Variants in TTN observed in about 807,000 individuals in gnomAD.
TTN encodes titin, also known as connectin.
A neutral mutation model predicts 3,223.0 loss-of-function variants in TTN; 1,525 were observed. The observed-to-expected ratio is 0.47, with a 90% CI of 0.45 to 0.49. The LOEUF (loss-of-function observed/expected upper bound fraction) is 0.49. Ranked by LOEUF, TTN falls within the 20% of genes least tolerant of loss-of-function variation. TTN has a pLI of 0.00. For missense variants in TTN, 40,786 were observed against 43,424.0 expected (o/e 0.94, Z 5.40); for synonymous variants, 14,094 against 15,161.0 (o/e 0.93, Z 5.17).
In TTN at chr2:178,567,361, A is replaced by G; in HGVS notation, c.78771T>C (p.Ile26257=). ...AAATATACTGCCCACCATCAATTCT[A>G]ATTGCATCTTTTACAATAAGTAAAG... ...FKALLIVKDA[I]RIDGGQYILR... Residue 26257 remains isoleucine (I), a synonymous_variant, in exon 326 of 363, where the codon ATT becomes ATC. Coordinates refer to ENST00000589042, the MANE Select transcript of TTN (RefSeq NM_001267550.2). 4 of 1,595,742 alleles carry G rather than the reference A, an allele frequency of 2.5e-6. No individual in the cohort carries two copies. Among genetic ancestry groups the G allele is most frequent in the Non-Finnish European group, 3.4e-6 (4 of 1,173,380 alleles).
At position 178,568,469 on chromosome 2, in the gene TTN, AGAGTTACAATT is replaced by A; in HGVS notation, c.77652_77662del (p.Glu25884AspfsTer3). ...TCCTTTTGGAGGATCAGGTTTATCT[AGAGTTACAATT>A]TCGATGGATGCTGTCTTCTGACCAA... On this transcript the variant is annotated frameshift_variant, in exon 326 of 363. Coordinates refer to ENST00000589042, the MANE Select transcript of TTN (RefSeq NM_001267550.2). LOFTEE classifies it high-confidence loss of function. The A allele has an allele frequency of 1.2e-6, 2 of 1,613,398 alleles. No individual in the cohort carries two copies. The highest frequency in any genetic ancestry group is 1.7e-6 in the Non-Finnish European group (2 of 1,179,586).
rs756497839 is a variant in TTN at position 178,774,261 on chromosome 2, C to T, written c.7003G>A (p.Glu2335Lys). ...TTCCCGTCGATGACAAAGCTGTATT[C>T]TCCCTGGTCCTCCTTGGTTACATCC... ...VKDVTKEDQG[E>K]YSFVIDGKKT... The change falls in exon 30 of 363, where the codon GAA becomes AAA. Residue 2335 changes from glutamate (E) to lysine (K), a missense_variant. Coordinates refer to ENST00000589042, the MANE Select transcript of TTN (RefSeq NM_001267550.2). The T allele has an allele frequency of 5.0e-6, 8 of 1,614,088 alleles. No homozygotes were observed. In the East Asian group the frequency reaches 1.8e-4, roughly 36 times the overall value.
Position 178,774,291 on chromosome 2 carries a change from C to T in TTN, c.6973G>A (p.Val2325Ile). 6.2e-7 allele frequency: 1 copy of T among 1,614,072 alleles called. No individual in the cohort carries two copies. The highest frequency in any genetic ancestry group is 8.5e-7 in the Non-Finnish European group (1 of 1,179,982). The change falls in exon 30 of 363, where the codon GTC (valine) becomes ATC (isoleucine). Residue 2325 changes from valine (V) to isoleucine (I), a missense_variant. Coordinates refer to ENST00000589042, the MANE Select transcript of TTN (RefSeq NM_001267550.2). Reference sequence around the variant, plus strand: ...TGGTCCTCCTTGGTTACATCCTTGACCGTGAGGTTCTGACGTCCACGACGA... The same window carrying T: ...TGGTCCTCCTTGGTTACATCCTTGATCGTGAGGTTCTGACGTCCACGACGA... ...TSRRGRQNLT[V>I]KDVTKEDQGE... is the part of the protein sequence containing the mutation.
chr2:178,681,180 A>T lies in TTN; in HGVS notation c.33248-9T>A. ...CTTTGGTTCTTCAGGCACTTTAAAG[A>T]TATTAATTATTAAAGAGCATTAAAA... is the stretch of plus-strand genomic sequence containing the variant. On this transcript the variant is annotated splice_polypyrimidine_tract_variant and intron_variant, in intron 137 of 362. Coordinates refer to ENST00000589042, the MANE Select transcript of TTN (RefSeq NM_001267550.2). 1 of 1,591,102 alleles carries T rather than the reference A, an allele frequency of 6.3e-7. No homozygotes were observed. Among genetic ancestry groups the T allele is most frequent in the South Asian group, 1.2e-5 (1 of 86,062 alleles).
chr2:178,530,193 T>C, intron 358 of TTN, 48 bp downstream of exon 358: 1 of 1,561,402 alleles, frequency 6.4e-7, no homozygotes, highest in Middle Eastern at 1.7e-4. Flanking sequence ...ATTTAGAAGA[T>C]AAAATATTTT....
In TTN at chr2:178,706,477, G is replaced by A. The variant is rs770084292; in HGVS notation, c.29397C>T (p.Gly9799=). The part of the protein sequence containing the change: ...DERKKQEKIE[G]DLRAMLKKTP... ...ACTTTTTCAGCATTGCTCTAAGATCGCCTTCAATTTTCTCTTGTTTCTTCC... is the reference window on the plus strand; with the variant it reads ...ACTTTTTCAGCATTGCTCTAAGATCACCTTCAATTTTCTCTTGTTTCTTCC... Residue 9799 remains glycine (G), a synonymous_variant, in exon 102 of 363, where the codon GGC becomes GGT. Coordinates refer to ENST00000589042, the MANE Select transcript of TTN (RefSeq NM_001267550.2). 2.5e-5 allele frequency: 40 copies of A among 1,612,918 alleles called. No homozygotes were observed. Among genetic ancestry groups the A allele is most frequent in the Admixed American group, 1.5e-4 (9 of 59,862 alleles).
At position 178,595,758 on chromosome 2, in the gene TTN, T is replaced by A. The variant is rs2051391133; in HGVS notation, c.57596A>T (p.Glu19199Val). Reference sequence around the variant, plus strand: ...AGAAAACCATGTCAGTTTGCAGGACTCATTGGTTAGGTTGTGAGCTAGGAA... The same window carrying A: ...AGAAAACCATGTCAGTTTGCAGGACACATTGGTTAGGTTGTGAGCTAGGAA... ...TPFLAHNLTN[E>V]SCKLTWFSPE... The change falls in exon 295 of 363, where the codon GAG becomes GTG. Residue 19199 changes from glutamate (E) to valine (V), a missense_variant. By Grantham distance (121) the Glu-to-Val change is moderately radical (BLOSUM62 -2). Coordinates refer to ENST00000589042, the MANE Select transcript of TTN (RefSeq NM_001267550.2). The A allele has an allele frequency of 6.2e-7, 1 of 1,609,026 alleles. No homozygotes were observed. The highest frequency in any genetic ancestry group is 8.5e-7 in the Non-Finnish European group (1 of 1,177,850).
chr2:178,549,333 T>C lies in TTN; in HGVS notation c.92293A>G (p.Arg30765Gly). ...CGTTTGCTGATCACTTTTACCCATC[T>C]TGTGCTTTTCTTTTCTCTTCTTTCA... ...ILERREKKST[R>G]WVKVISKRPI... is the part of the protein sequence containing the mutation. The change falls in exon 339 of 363, where the codon AGA (arginine) becomes GGA (glycine). Residue 30765 changes from arginine (R) to glycine (G), a missense_variant. Coordinates refer to ENST00000589042, the MANE Select transcript of TTN (RefSeq NM_001267550.2). 6.2e-7 allele frequency: 1 copy of C among 1,613,942 alleles called. No homozygotes were observed. Among genetic ancestry groups the C allele is most frequent in the South Asian group, 1.1e-5 (1 of 91,086 alleles).
rs893506951 is a variant in TTN, at chr2:178,565,625, C to T, written c.80507G>A (p.Cys26836Tyr). Reference protein sequence around the residue: ...KWSIVAESKVCNAVVTGLSSG... With the variant: ...KWSIVAESKVYNAVVTGLSSG... The stretch of plus-strand genomic sequence containing the variant: ...ACTCAAACCAGTAACAACTGCATTA[C>T]AGACTTTGGATTCAGCCACAATGCT... The change falls in exon 326 of 363, where the codon TGT becomes TAT. Residue 26836 changes from cysteine (C) to tyrosine (Y), a missense_variant. Physicochemically the swap from Cys to Tyr is radical, Grantham distance 194 (BLOSUM62 -2). Coordinates refer to ENST00000589042, the MANE Select transcript of TTN (RefSeq NM_001267550.2). 6.2e-7 allele frequency: 1 copy of T among 1,613,456 alleles called. No individual in the cohort carries two copies. Among genetic ancestry groups the T allele is most frequent in the Non-Finnish European group, 8.5e-7 (1 of 1,179,618 alleles).
Position 178,773,504 on chromosome 2 carries a change from T to C in TTN, c.7552A>G (p.Ile2518Val), listed in dbSNP as rs2091831608. 2 of 1,614,078 alleles carry C rather than the reference T, an allele frequency of 1.2e-6. No homozygotes were observed. Among genetic ancestry groups the C allele is most frequent in the Non-Finnish European group, 1.7e-6 (2 of 1,179,962 alleles). Reference sequence around the variant, plus strand: ...CAGTTGGTTTCAACTCTGCCAACTATCAGCTTGTAAGGTCCTTCGTCTGAA... The same window carrying C: ...CAGTTGGTTTCAACTCTGCCAACTACCAGCTTGTAAGGTCCTTCGTCTGAA... Reference protein sequence around the residue: ...HASDEGPYKLIVGRVETNCNL... With the variant: ...HASDEGPYKLVVGRVETNCNL... Residue 2518 changes from isoleucine (I) to valine (V), a missense_variant, in exon 32 of 363, where the codon ATA becomes GTA. Transcript: ENST00000589042.
Position 178,745,991 on chromosome 2 carries a change from A to G in TTN, c.11312-4070T>C. ...CACAGCAAATATTTCAGAATCTCCCATGGTGAGGAATCCCCGACAGATAGC... is the reference window on the plus strand; with the variant it reads ...CACAGCAAATATTTCAGAATCTCCCGTGGTGAGGAATCCCCGACAGATAGC... On this transcript the variant is annotated intron_variant, in intron 47 of 362. Coordinates refer to ENST00000589042, the MANE Select transcript of TTN (RefSeq NM_001267550.2). The G allele has an allele frequency of 6.2e-7, 1 of 1,612,798 alleles. No individual in the cohort carries two copies. Among genetic ancestry groups the G allele is most frequent in the Non-Finnish European group, 8.5e-7 (1 of 1,179,092 alleles).
intron 106 of TTN, among the ~76,000 whole-genome samples, chr2:178,703,890 CA>C (rs763833112): frequency 5.3e-5 from 8 of 152,130 alleles, no homozygotes; most frequent in Non-Finnish European, 7.4e-5. Context: ...AGACTTTAGA[CA>C]GAAATAACTG....
Position 178,547,638 on chromosome 2 carries a change from A to C in TTN, c.93988T>G (p.Trp31330Gly). The C allele has an allele frequency of 2.5e-6, 4 of 1,613,908 alleles. No individual in the cohort carries two copies. Among genetic ancestry groups the C allele is most frequent in the Non-Finnish European group, 3.4e-6 (4 of 1,179,824 alleles). Residue 31330 changes from tryptophan (W) to glycine (G), a missense_variant, in exon 339 of 363, where the codon TGG (tryptophan) becomes GGG (glycine). Trp to Gly is a radical substitution (Grantham distance 184). Transcript: ENST00000589042. Reference sequence around the variant, plus strand: ...CCTCCTCCATCTTTAGGTTCTCCCCATGACAGGACACACGATTCAGCTGAG... The same window carrying C: ...CCTCCTCCATCTTTAGGTTCTCCCCCTGACAGGACACACGATTCAGCTGAG... Reference protein sequence around the residue: ...SVSAESCVLSWGEPKDGGGTE... With the variant: ...SVSAESCVLSGGEPKDGGGTE...
In TTN at chr2:178,613,083, A is replaced by G. The variant is rs727504474; in HGVS notation, c.49649-11T>C. ...GGGGCCATGGAGGATCTGCAAGCCA[A>G]TGAAATCATTGTTTAGGTTTGTCAA... On this transcript the variant is annotated splice_polypyrimidine_tract_variant and intron_variant, in intron 264 of 362. Transcript: ENST00000589042. 75 of 1,612,246 alleles carry G rather than the reference A, an allele frequency of 4.7e-5. 1 individual carries two copies. The highest frequency in any genetic ancestry group is 6.7e-5 in the Admixed American group (4 of 59,844).
chr2:178,633,821 G>T lies in TTN; in HGVS notation c.42678C>A (p.Val14226=), dbSNP rs754896668. ...KELSSTAQLK[V]LEADPYFTVK... ...GTTATACTTGGTTACATTTACCTAA[G>T]ACCTTCAGCTGTGCTGTGGAGCTCA... Residue 14226 remains valine (V), a synonymous_variant, in exon 231 of 363, where the codon GTC becomes GTA. Transcript: ENST00000589042. 13 of 1,612,778 alleles carry T rather than the reference G, an allele frequency of 8.1e-6. No homozygotes were observed. In the South Asian group the frequency reaches 1.2e-4, roughly 15 times the overall value.
intron 112 of TTN, among the ~76,000 whole-genome samples, chr2:178,698,362 C>T (rs971584090): frequency 1.3e-5 from 2 of 151,616 alleles, no homozygotes; most frequent in Non-Finnish European, 2.9e-5. Flanking sequence ...TTCAAAATCG[C>T]TAAGAGTAAA....
chr2:178,709,213 G>A (rs922438118), intron 99 of TTN, among the ~76,000 whole-genome samples: 1 of 151,908 alleles, frequency 6.6e-6, no homozygotes, highest in Non-Finnish European at 1.5e-5. Flanking sequence ...TGTGATATTT[G>A]GTGATGAACA....
chr2:178,551,283 A>G lies in TTN; in HGVS notation c.91271-23T>C, dbSNP rs1699319036. 7 of 1,594,682 alleles carry G rather than the reference A, an allele frequency of 4.4e-6. No homozygotes were observed. The South Asian group carries it at 6.8e-5, about 16-fold the overall frequency. ...GGTCTAAAAAATTATAAGGAAGGTA[A>G]ATGCATCATTACATTTGTAACCAGG... is the stretch of plus-strand genomic sequence containing the variant. On this transcript the variant is annotated intron_variant, in intron 335 of 362. Coordinates refer to ENST00000589042, the MANE Select transcript of TTN (RefSeq NM_001267550.2).
chr2:178,750,530 T>C, intron 47 of TTN: 1 of 1,612,692 alleles, frequency 6.2e-7, no homozygotes, highest in Non-Finnish European at 8.5e-7. Context: ...ACTGTCACCT[T>C]CATAAACTTC....
Sources: gnomAD v4.1 joint callset for allele counts (sites outside exome capture counted in the v4.1 genomes callset) on GRCh38, gnomAD v4.1.1 for gene constraint, MANE v1.5 for transcripts, NCBI Gene and HGNC (gene_info 2026-07-23, HGNC 2026-07-21) for gene names.